TRHDE: variants seen among roughly 807,000 people sequenced by gnomAD.
TRHDE encodes thyrotropin-releasing hormone-degrading ectoenzyme.
TRHDE carries 72 observed loss-of-function variants against 125.7 expected under a neutral mutation model. The ratio of observed to expected loss-of-function variants is 0.57; its 90% CI spans 0.47 to 0.70. TRHDE has a LOEUF of 0.70. TRHDE is among the 30% of genes least tolerant of loss of function. The probability of loss-of-function intolerance (pLI) is 0.00; values close to 1 mark genes in which losing one functional copy is unlikely to be tolerated. For missense variants in TRHDE, 1,110 were observed against 1,327.1 expected (o/e 0.84, Z 2.54); for synonymous variants, 509 against 509.1 (o/e 1.00, Z 0.00).
chr12:72,512,169 C>A (rs1878606864), intron 6 of TRHDE, among the ~76,000 whole-genome samples: 2 of 151,756 alleles, frequency 1.3e-5, no homozygotes, highest in Admixed American at 6.6e-5. Context: ...CGGGTCAGAG[C>A]CATGTAACCC....
intron 3 of TRHDE, among the ~76,000 whole-genome samples, chr12:72,452,974 A>T (rs935996126): frequency 4.6e-5 from 7 of 152,162 alleles, no homozygotes; most frequent in Non-Finnish European, 7.3e-5. Flanking sequence ...ATATTTCTTT[A>T]TAGCAATGTG....
intron 2 of TRHDE, chr12:72,256,782 A>G (rs1011842984): frequency 6.6e-6 from 1 of 152,186 alleles, no homozygotes; most frequent in African/African-American, 2.4e-5. Flanking sequence ...AGAATATCTA[A>G]GGAGAGCTGC....
chr12:72,596,619 A>G (rs542401046), intron 12 of TRHDE, among the ~76,000 whole-genome samples: 18 of 152,270 alleles, frequency 1.2e-4, no homozygotes, highest in African/African-American at 4.3e-4. Context: ...TATACTGAAA[A>G]TTTCGTAATG....
intron 5 of TRHDE, among the ~76,000 whole-genome samples, chr12:72,477,996 A>T (rs1240106952): frequency 1.3e-5 from 2 of 152,186 alleles, no homozygotes; most frequent in African/African-American, 4.8e-5. Flanking sequence ...CACCAAAAAC[A>T]TTATAAGTTA....
intron 7 of TRHDE, among the ~76,000 whole-genome samples, chr12:72,555,991 C>T (rs189659972): frequency 6.6e-6 from 1 of 152,186 alleles, no homozygotes; most frequent in Admixed American, 6.5e-5. Context: ...CTCTGTCTGC[C>T]CCCCAGTCTA....
At chr12:72,158,195 T>G (rs891917393) in intron 2 of TRHDE, among the ~76,000 whole-genome samples, 9 of 152,048 alleles carry the variant, frequency 5.9e-5, no homozygotes, top group Admixed American at 5.9e-4. Context: ...AGGCAATGAA[T>G]TTTTTTATTT....
intron 5 of TRHDE, among the ~76,000 whole-genome samples, chr12:72,490,074 G>T (rs1407605703): frequency 6.6e-6 from 1 of 151,740 alleles, no homozygotes; most frequent in Non-Finnish European, 1.5e-5. Context: ...GGGAAAAAAA[G>T]TTTGCCAGCC....
At chr12:72,358,427 T>C (rs1870919480) in intron 2 of TRHDE, among the ~76,000 whole-genome samples, 1 of 151,634 alleles carries the variant, frequency 6.6e-6, no homozygotes, top group African/African-American at 2.4e-5. Flanking sequence ...TTCTTTTGTC[T>C]ACCTTGCTTT....
At position 72,408,823 on chromosome 12, in the gene TRHDE, G is replaced by A. The variant is rs774703191; in HGVS notation, c.1315+30702G>A. Among the ~76,000 whole-genome samples, 19 of 152,070 alleles carry A rather than the reference G, an allele frequency of 1.2e-4. 1 individual carries two copies. Among genetic ancestry groups the A allele is most frequent in the Admixed American group, 5.9e-4 (9 of 15,270 alleles). On this transcript the variant is annotated intron_variant, in intron 3 of 18. Coordinates refer to ENST00000261180, the MANE Select transcript of TRHDE (RefSeq NM_013381.3). ...AGTCAGAATAACTTTCCAGAATGTA[G>A]CATGAAGAAGCAAAGAGATGAAAAA...
intron 3 of TRHDE, among the ~76,000 whole-genome samples, chr12:72,441,064 G>A (rs1874986545): frequency 6.6e-6 from 1 of 151,592 alleles, no homozygotes; most frequent in Non-Finnish European, 1.5e-5. Context: ...TCAAAATACT[G>A]TTATACTCAG....
At chr12:72,430,384 T>C (rs559133857) in intron 3 of TRHDE, among the ~76,000 whole-genome samples, 17 of 143,348 alleles carry the variant, frequency 1.2e-4, no homozygotes, top group East Asian at 9.9e-4. Context: ...TATATACATG[T>C]ATATATATAC....
At chr12:72,467,475 C>T (rs184991259) in intron 3 of TRHDE, among the ~76,000 whole-genome samples, 11 of 152,144 alleles carry the variant, frequency 7.2e-5, no homozygotes, top group Non-Finnish European at 1.5e-4. Context: ...TAAAATGTAG[C>T]GGAAGATGGG....
intron 2 of TRHDE, among the ~76,000 whole-genome samples, chr12:72,367,554 A>G (rs2135759060): frequency 6.6e-6 from 1 of 152,096 alleles, no homozygotes; most frequent in Non-Finnish European, 1.5e-5. Flanking sequence ...AAAAAATGTT[A>G]TCTTCTGAAT....
At chr12:72,501,206 AT>A (rs1438964058) in intron 6 of TRHDE, among the ~76,000 whole-genome samples, 1 of 152,020 alleles carries the variant, frequency 6.6e-6, no homozygotes, top group African/African-American at 2.4e-5. Flanking sequence ...AATGCAATTC[AT>A]TTTTGCATAT....
At chr12:72,274,638 C>T (rs1158444939) in intron 1 of TRHDE, 1 of 152,216 alleles carries the variant, frequency 6.6e-6, no homozygotes, top group Non-Finnish European at 1.5e-5. Flanking sequence ...AATGGAGGCA[C>T]AGGTGTGTCA....
At chr12:72,235,406 A>G (rs898764197) in intron 2 of TRHDE, among the ~76,000 whole-genome samples, 2 of 152,226 alleles carry the variant, frequency 1.3e-5, no homozygotes, top group African/African-American at 4.8e-5. Context: ...ACAAGGAAAC[A>G]CAGCTGACAA....
At chr12:72,580,883 A>G (rs1286677929) in intron 12 of TRHDE, among the ~76,000 whole-genome samples, 1 of 152,246 alleles carries the variant, frequency 6.6e-6, no homozygotes, top group African/African-American at 2.4e-5. Context: ...CACTATATTC[A>G]GTATATACAT....
At chr12:72,217,989 C>A (rs1877928083) in intron 2 of TRHDE, among the ~76,000 whole-genome samples, 2 of 152,046 alleles carry the variant, frequency 1.3e-5, no homozygotes, top group Non-Finnish European at 2.9e-5. Context: ...TGATGTAGGT[C>A]ACTTCATGAT....
At chr12:72,166,940 G>GTT (rs1876764728) in intron 2 of TRHDE, among the ~76,000 whole-genome samples, 1 of 151,556 alleles carries the variant, frequency 6.6e-6, no homozygotes, top group Non-Finnish European at 1.5e-5. Context: ...GTGTGTGTGT[G>GTT]TGTGTGTGTG....
Sources: gnomAD v4.1 joint callset for allele counts (sites outside exome capture counted in the v4.1 genomes callset) on GRCh38, gnomAD v4.1.1 for gene constraint, MANE v1.5 for transcripts, NCBI Gene and HGNC (gene_info 2026-07-23, HGNC 2026-07-21) for gene names.